Variants in EVA1C observed in about 807,000 individuals in gnomAD.
EVA1C encodes the protein protein eva-1 homolog C.
In EVA1C, 25 loss-of-function variants were observed where a neutral mutation model predicts 45.4. That is an observed-to-expected ratio of 0.55 (90% confidence interval 0.40 to 0.77). EVA1C has a LOEUF of 0.77. Ranked by LOEUF, EVA1C falls within the 30% of genes least tolerant of loss-of-function variation. The pLI is 0.00. For synonymous variants in EVA1C, 190 were observed against 221.2 expected, an observed-to-expected ratio of 0.86 and a Z score of 1.25; for missense variants, 479 against 554.8, an observed-to-expected ratio of 0.86 and a Z score of 1.37.
intron 7 of EVA1C, among the ~76,000 whole-genome samples, chr21:32,510,871 C>T (rs917101165): frequency 2.0e-5 from 3 of 151,720 alleles, no homozygotes; most frequent in African/African-American, 7.3e-5. Context: ...CTCATCTTTA[C>T]AAAAAAATAT....
intron 4 of EVA1C, among the ~76,000 whole-genome samples, chr21:32,479,435 C>A (rs2036696996): frequency 6.6e-6 from 1 of 151,874 alleles, no homozygotes; most frequent in Non-Finnish European, 1.5e-5. Flanking sequence ...CCCTCCCCAA[C>A]CCCCCAGAAA....
chr21:32,494,098 T>C (rs983462858), intron 4 of EVA1C, among the ~76,000 whole-genome samples: 2 of 152,184 alleles, frequency 1.3e-5, no homozygotes, highest in Non-Finnish European at 2.9e-5. Context: ...CTGTGCCTGG[T>C]CCTCTTTTTA....
intron 7 of EVA1C, among the ~76,000 whole-genome samples, chr21:32,511,845 C>G (rs578194654): frequency 6.6e-6 from 1 of 152,206 alleles, no homozygotes; most frequent in Admixed American, 6.5e-5. Flanking sequence ...GGGACATTGA[C>G]AAGAATGCTC....
chr21:32,420,856 T>A (rs944556390), intron 1 of EVA1C, among the ~76,000 whole-genome samples: 1 of 152,220 alleles, frequency 6.6e-6, no homozygotes, highest in Admixed American at 6.5e-5. Context: ...TTTTGGGGAT[T>A]TGAATCCAGG....
Position 32,514,969 on chromosome 21 carries a change from G to T in EVA1C, c.1105G>T (p.Glu369Ter). The change falls in exon 8 of 8, where the codon GAG (glutamate) becomes TAG (stop). Residue 369 changes from glutamate (E) to a stop codon, truncating the protein, a stop_gained. Transcript: ENST00000300255. LOFTEE classifies it high-confidence loss of function. ...GCTGGTGCCAGGAAGTGACAAGGTC[G>T]AGGAGGACAGCGAGGATGAAGAAGA... ...EQLVPGSDKV[E>*]EDSEDEEEEE... The T allele has an allele frequency of 6.2e-7, 1 of 1,614,150 alleles. No individual in the cohort carries two copies. Among genetic ancestry groups the T allele is most frequent in the Non-Finnish European group, 8.5e-7 (1 of 1,180,010 alleles).
chr21:32,509,989 G>C (rs1320046088), intron 7 of EVA1C, among the ~76,000 whole-genome samples: 3 of 151,656 alleles, frequency 2.0e-5, no homozygotes, highest in Non-Finnish European at 4.4e-5. Context: ...GGCTTCCTAG[G>C]CTGTGGTCAG....
At chr21:32,441,884 C>T (rs903279580) in intron 1 of EVA1C, among the ~76,000 whole-genome samples, 2 of 152,112 alleles carry the variant, frequency 1.3e-5, no homozygotes, top group Non-Finnish European at 2.9e-5. Flanking sequence ...CCATTTGGTG[C>T]CTCCCCTGTC....
At chr21:32,477,613 A>G (rs1046450346) in intron 4 of EVA1C, among the ~76,000 whole-genome samples, 4 of 151,788 alleles carry the variant, frequency 2.6e-5, no homozygotes, top group Admixed American at 6.6e-5. Flanking sequence ...TTCTCCCCAC[A>G]TGAGTCTCTT....
intron 6 of EVA1C, among the ~76,000 whole-genome samples, chr21:32,502,395 G>A (rs1190877887): frequency 2.6e-5 from 4 of 151,694 alleles, no homozygotes; most frequent in East Asian, 1.9e-4. Flanking sequence ...CACCGCACCC[G>A]GCCCCTCCTT....
chr21:32,505,025 G>A lies in EVA1C; in HGVS notation c.949+1010G>A, dbSNP rs562210503. ...CCCCTTTATAAAACCATCAGATCTC[G>A]TGAGACTTATTCACTATCACCAGAA... On this transcript the variant is annotated intron_variant, in intron 7 of 7. Transcript: ENST00000300255. Among the ~76,000 whole-genome samples the A allele has an allele frequency of 3.0e-4, 46 of 152,160 alleles. No homozygotes were observed. In the South Asian group the frequency reaches 7.1e-3, roughly 23 times the overall value.
chr21:32,458,852 G>C (rs947445842), intron 3 of EVA1C, among the ~76,000 whole-genome samples: 5 of 152,084 alleles, frequency 3.3e-5, no homozygotes, highest in African/African-American at 1.2e-4. Flanking sequence ...TTTGTTGTCT[G>C]TTAGCTCCCG....
intron 4 of EVA1C, among the ~76,000 whole-genome samples, chr21:32,491,685 A>G (rs1342248091): frequency 1.8e-4 from 15 of 81,724 alleles, no homozygotes; most frequent in Admixed American, 8.0e-4. Context: ...CTCTGTCAAA[A>G]AAAAAAAAAA....
intron 7 of EVA1C, among the ~76,000 whole-genome samples, chr21:32,513,291 C>A (rs1364018556): frequency 6.7e-6 from 1 of 148,754 alleles, no homozygotes; most frequent in Non-Finnish European, 1.5e-5. Flanking sequence ...ATCCTCCTGC[C>A]TCAGCCTCCT....
chr21:32,415,777 T>C (rs1285931505), intron 1 of EVA1C, among the ~76,000 whole-genome samples: 1 of 152,158 alleles, frequency 6.6e-6, no homozygotes, highest in Non-Finnish European at 1.5e-5. Flanking sequence ...CAGCGGCCAC[T>C]GGAAGGCTAT....
Position 32,448,918 on chromosome 21 carries a change from G to A in EVA1C, c.161-4394G>A, listed in dbSNP as rs28538311. On this transcript the variant is annotated intron_variant, in intron 1 of 7. Coordinates refer to ENST00000300255, the MANE Select transcript of EVA1C (RefSeq NM_058187.5). ...AGAAAAAAAAAGAAAGGAGAAAAGA[G>A]AGAAAGAAAGAAAGAGAGAGAAAGA... Among the ~76,000 whole-genome samples the A allele has an allele frequency of 0.019, 570 of 29,826 alleles. 5 individuals carry two copies. In the African/African-American group the frequency reaches 0.26, roughly 14 times the overall value. 19.6% of individuals were successfully genotyped at this position (29,826 alleles called of 152,430 possible). A position where few individuals can be genotyped will look rare whatever the true frequency, so the allele number is the denominator to read the frequency against.
intron 4 of EVA1C, 51 bp downstream of exon 4, chr21:32,467,899 T>C: frequency 9.0e-7 from 1 of 1,110,730 alleles, no homozygotes; most frequent in Non-Finnish European, 1.2e-6. Context: ...GGGACAGAAT[T>C]AATAGAATAT....
At chr21:32,414,267 G>A (rs557223134) in intron 1 of EVA1C, among the ~76,000 whole-genome samples, 1 of 152,214 alleles carries the variant, frequency 6.6e-6, no homozygotes, top group Non-Finnish European at 1.5e-5. Context: ...GGTAAGAGTT[G>A]TGGGGAAATG....
chr21:32,502,012 CTT>C (rs1036578687), intron 6 of EVA1C, among the ~76,000 whole-genome samples: 1 of 132,252 alleles, frequency 7.6e-6, no homozygotes, highest in Non-Finnish European at 1.5e-5. Flanking sequence ...TTCTTTCTTT[CTT>C]TCTTTCTTTC....
chr21:32,424,591 C>A (rs1454420380), intron 1 of EVA1C, among the ~76,000 whole-genome samples: 1 of 152,302 alleles, frequency 6.6e-6, no homozygotes, highest in Non-Finnish European at 1.5e-5. Flanking sequence ...CCAGAACGCT[C>A]CTTCCAAAGC....
Sources: allele counts gnomAD v4.1 joint callset (sites outside exome capture counted in the v4.1 genomes callset), GRCh38; gene constraint gnomAD v4.1.1; transcripts MANE v1.5; gene names NCBI Gene and HGNC (gene_info 2026-07-23, HGNC 2026-07-21).